The following DGLUCY variants were observed in gnomAD, a reference collection of about 807,000 sequenced individuals.
DGLUCY encodes the protein D-glutamate cyclase, also known as D-glutamate cyclase, mitochondrial.
A neutral mutation model predicts 58.5 loss-of-function variants in DGLUCY; 58 were observed. The ratio of observed to expected loss-of-function variants is 0.99; its 90% confidence interval spans 0.80 to 1.23. The LOEUF (loss-of-function observed/expected upper bound fraction) is 1.23, where lower values mean the gene tolerates loss of function less well. Ranked by LOEUF, DGLUCY falls within the 50% of genes most tolerant of loss-of-function variation. DGLUCY has a pLI of 0.00. For synonymous variants in DGLUCY, 325 were observed against 314.1 expected, an observed-to-expected ratio of 1.03 and a Z score of -0.37; for missense variants, 779 against 784.7, an observed-to-expected ratio of 0.99 and a Z score of 0.09.
At position 91,176,516 on chromosome 14, in the gene DGLUCY, G is replaced by A. The variant is rs758570082; in HGVS notation, c.730+460G>A. On this transcript the variant is annotated intron_variant, in intron 7 of 13. Transcript: ENST00000256324. ...TGGGATTACAGGCGTGAGTCATCGC[G>A]CCTGGCCTGGTTTCCTTCTTTTAAT... Among the ~76,000 whole-genome samples the A allele has an allele frequency of 2.0e-5, 3 of 152,096 alleles. 1 individual carries two copies. The South Asian group carries it at 6.2e-4, about 31-fold the overall frequency.
At chr14:91,194,191 G>T (rs553731321) in intron 9 of DGLUCY, among the ~76,000 whole-genome samples, 1 of 152,204 alleles carries the variant, frequency 6.6e-6, no homozygotes, top group Non-Finnish European at 1.5e-5. Context: ...GCCCTGTCGC[G>T]GTAGTCCTGG....
chr14:91,161,871 C>T (rs1395045654), intron 3 of DGLUCY, among the ~76,000 whole-genome samples: 4 of 150,488 alleles, frequency 2.7e-5, no homozygotes, highest in Admixed American at 6.6e-5. Flanking sequence ...TTTTGCACTA[C>T]CTAATATATA....
chr14:91,066,761 C>G (rs2043828613), intron 1 of DGLUCY, among the ~76,000 whole-genome samples: 1 of 152,094 alleles, frequency 6.6e-6, no homozygotes, highest in African/African-American at 2.4e-5. Flanking sequence ...GTAGCTGAGT[C>G]TGAGGTCTAT....
intron 8 of DGLUCY, among the ~76,000 whole-genome samples, chr14:91,182,799 C>T (rs2049265645): frequency 6.6e-6 from 1 of 152,156 alleles, no homozygotes; most frequent in Non-Finnish European, 1.5e-5. Flanking sequence ...TAACGCATCT[C>T]AGGGGAAGGA....
chr14:91,136,962 T>G (rs994115326), intron 1 of DGLUCY, among the ~76,000 whole-genome samples: 4 of 151,586 alleles, frequency 2.6e-5, no homozygotes, highest in Admixed American at 2.6e-4. Context: ...AAAGCGAAAC[T>G]TTGTCTCAAA....
chr14:91,085,778 A>G (rs953293540), intron 1 of DGLUCY, among the ~76,000 whole-genome samples: 1 of 152,112 alleles, frequency 6.6e-6, no homozygotes, highest in African/African-American at 2.4e-5. Flanking sequence ...CATGTTGCCC[A>G]GGCTGGTCTC....
At chr14:91,071,334 C>CAAAAAAAAAA (rs3086750) in intron 1 of DGLUCY, among the ~76,000 whole-genome samples, 2 of 84,218 alleles carry the variant, frequency 2.4e-5, no homozygotes, top group African/African-American at 4.4e-5. Flanking sequence ...GAGATTCCAC[C>CAAAAAAAAAA]AAAAAAAAAA....
chr14:91,223,940 C>T (rs918104089), intron 13 of DGLUCY: 2 of 252,750 alleles, frequency 7.9e-6, no homozygotes, highest in Non-Finnish European at 1.6e-5. Context: ...TTTCTGATCC[C>T]CAAACCACTC....
chr14:91,060,770 T>G, intron 1 of DGLUCY: 1 of 204,846 alleles, frequency 4.9e-6, no homozygotes, highest in Non-Finnish European at 9.8e-6. Flanking sequence ...CCAACGCCGG[T>G]TCCCATTGGG....
In DGLUCY at chr14:91,140,387, A is replaced by G. The variant is rs568652274; in HGVS notation, c.-81-17252A>G. 1.2e-4 allele frequency among the ~76,000 whole-genome samples: 19 copies of G among 152,314 alleles called. No individual in the cohort carries two copies. The East Asian group carries it at 3.7e-3, about 29-fold the overall frequency. On this transcript the variant is annotated intron_variant, in intron 1 of 13. Coordinates refer to ENST00000256324, the MANE Select transcript of DGLUCY (RefSeq NM_001102368.3). ...AGTGATTATCTAAAGAAAATAATTT[A>G]TGGGTCGGGTGCGGTGGCTCAAGCC...
chr14:91,182,044 A>C (rs2049210400), intron 8 of DGLUCY, among the ~76,000 whole-genome samples: 1 of 151,574 alleles, frequency 6.6e-6, no homozygotes, highest in South Asian at 2.1e-4. Context: ...GTGGTGGTGC[A>C]ATCTCAATTC....
intron 12 of DGLUCY, among the ~76,000 whole-genome samples, chr14:91,208,525 G>GT (rs1160644628): frequency 2.0e-5 from 3 of 152,178 alleles, no homozygotes; most frequent in African/African-American, 7.2e-5. Flanking sequence ...GAGGCGGGCA[G>GT]ATCACTTGAG....
chr14:91,190,692 C>T (rs969813200), intron 9 of DGLUCY, among the ~76,000 whole-genome samples: 2 of 151,972 alleles, frequency 1.3e-5, no homozygotes, highest in Non-Finnish European at 2.9e-5. Context: ...TGCTGGCTGA[C>T]TGGCCTGGAG....
chr14:91,104,718 G>T (rs2044558721), upstream of DGLUCY, among the ~76,000 whole-genome samples: 1 of 152,120 alleles, frequency 6.6e-6, no homozygotes, highest in South Asian at 2.1e-4. Context: ...CTGGGCTCTC[G>T]GATTTCTCTT....
At chr14:91,136,942 C>T (rs1354267938) in intron 1 of DGLUCY, among the ~76,000 whole-genome samples, 1 of 151,904 alleles carries the variant, frequency 6.6e-6, no homozygotes, top group East Asian at 1.9e-4. Flanking sequence ...ACACTCTAGC[C>T]TGGGCAACAA....
intron 1 of DGLUCY, among the ~76,000 whole-genome samples, chr14:91,135,230 T>C (rs2046258616): frequency 6.6e-6 from 1 of 152,146 alleles, no homozygotes; most frequent in Non-Finnish European, 1.5e-5. Flanking sequence ...CCTGCTGCCT[T>C]ACACATTTTT....
intron 1 of DGLUCY, among the ~76,000 whole-genome samples, chr14:91,142,285 G>A (rs1427278576): frequency 1.3e-5 from 2 of 152,178 alleles, no homozygotes; most frequent in Non-Finnish European, 2.9e-5. Flanking sequence ...GTCTAATTCA[G>A]TAGGAATAGT....
At chr14:91,196,584 C>A in intron 10 of DGLUCY, 110 bp downstream of exon 10, 1 of 882,232 alleles carries the variant, frequency 1.1e-6, no homozygotes, top group Non-Finnish European at 1.8e-6. Flanking sequence ...GGAGCGAAGC[C>A]ATGAGCCAAG....
At chr14:91,133,137 A>T (rs1268786468) in intron 1 of DGLUCY, among the ~76,000 whole-genome samples, 1 of 152,042 alleles carries the variant, frequency 6.6e-6, no homozygotes. Context: ...TCTACTAAAA[A>T]TACAAAAATT....
Sources: allele counts gnomAD v4.1 joint callset (sites outside exome capture counted in the v4.1 genomes callset), GRCh38; gene constraint gnomAD v4.1.1; transcripts MANE v1.5; gene names NCBI Gene and HGNC (gene_info 2026-07-23, HGNC 2026-07-21).